The following NRXN2 variants were observed in gnomAD, a reference collection of about 807,000 sequenced individuals.
NRXN2 encodes the protein neurexin 2, also known as neurexin-2-beta.
Under a neutral mutation model 128.8 loss-of-function variants are expected in NRXN2, and 29 were observed. The ratio of observed to expected loss-of-function variants is 0.23; its 90% CI spans 0.17 to 0.31. NRXN2 has a LOEUF of 0.31. NRXN2 is among the 10% of genes least tolerant of loss of function. The pLI, the probability that NRXN2 is intolerant of heterozygous loss-of-function variation, is 1.00. For missense variants in NRXN2, 1,881 were observed against 2,452.6 expected (o/e 0.77, Z 4.92); for synonymous variants, 1,098 against 1,075.2 (o/e 1.02, Z -0.41).
intron 2 of NRXN2, among the ~76,000 whole-genome samples, chr11:64,709,009 T>C (rs1285260121): frequency 6.6e-6 from 1 of 151,994 alleles, no homozygotes; most frequent in African/African-American, 2.4e-5. Context: ...CTGACCAACA[T>C]GGTGAAAACC....
At chr11:64,620,597 T>C (rs1402403914) in intron 21 of NRXN2, among the ~76,000 whole-genome samples, 1 of 151,584 alleles carries the variant, frequency 6.6e-6, no homozygotes, top group African/African-American at 2.4e-5. Flanking sequence ...TTTTCATGGC[T>C]TCCGAAGGTC....
At chr11:64,677,132 A>C in intron 6 of NRXN2, 95 bp from the exon 7 acceptor site, 2 of 860,368 alleles carry the variant, frequency 2.3e-6, no homozygotes, top group Non-Finnish European at 3.7e-6. Flanking sequence ...GAAAAGAAAA[A>C]TAAAATGACC....
intron 5 of NRXN2, among the ~76,000 whole-genome samples, chr11:64,686,184 G>T (rs2053024552): frequency 6.6e-6 from 1 of 152,296 alleles, no homozygotes; most frequent in African/African-American, 2.4e-5. Flanking sequence ...CCAGGAGGCT[G>T]CTAAGTGGCT....
In NRXN2 at chr11:64,685,902, CAGA is replaced by C; in HGVS notation, c.893_895del (p.Phe298del). Reference sequence around the variant, plus strand: ...GATGGGGTTGTGTGACAGGTCGTAGCAGAAGAACTCATTGCCTTTGAAGGTCGC... The same window carrying C: ...GATGGGGTTGTGTGACAGGTCGTAGCAGAACTCATTGCCTTTGAAGGTCGC... On this transcript the variant is annotated inframe_deletion, in exon 6 of 23. Transcript: ENST00000265459. 1 of 1,614,186 alleles carries C rather than the reference CAGA, an allele frequency of 6.2e-7. No individual in the cohort carries two copies. The highest frequency in any genetic ancestry group is 8.5e-7 in the Non-Finnish European group (1 of 1,180,038).
intron 22 of NRXN2, among the ~76,000 whole-genome samples, chr11:64,613,556 G>T (rs1209627681): frequency 1.3e-5 from 2 of 152,188 alleles, no homozygotes; most frequent in Non-Finnish European, 2.9e-5. Flanking sequence ...TCCTTCTCCT[G>T]CAGTGACCTT....
In NRXN2 at chr11:64,713,513, G is replaced by T; in HGVS notation, c.187C>A (p.Arg63Ser). Reference protein sequence around the residue: ...LSFSLRTNATRALLLYLDDGG... With the variant: ...LSFSLRTNATSALLLYLDDGG... ...TCGTCCAGGTAGAGCAGCAGCGCGC[G>T]CGTGGCGTTGGTGCGCAGGCTGAAG... The change falls in exon 2 of 23, where the codon CGC becomes AGC. Residue 63 changes from arginine (R) to serine (S), a missense_variant. Arg to Ser is a moderately radical substitution (Grantham distance 110, BLOSUM62 -1). Around this residue, in one of 7 missense-constraint regions of NRXN2, gnomAD observed 997 missense variants for 1,240.8 expected, o/e 0.80. Transcript: ENST00000265459. 1.3e-6 allele frequency: 2 copies of T among 1,514,290 alleles called. No individual in the cohort carries two copies. The highest frequency in any genetic ancestry group is 5.4e-5 in the East Asian group (2 of 37,370). The allele number at this position is 1,514,290 out of a possible 1,614,324, so 93.8% of individuals were successfully genotyped here.
intron 12 of NRXN2, among the ~76,000 whole-genome samples, chr11:64,652,951 G>A (rs1257414685): frequency 1.4e-5 from 2 of 140,326 alleles, no homozygotes; most frequent in East Asian, 5.1e-4. Flanking sequence ...GCTCCAGCAC[G>A]CACACAGCAT....
intron 22 of NRXN2, among the ~76,000 whole-genome samples, chr11:64,614,885 T>C (rs1186728028): frequency 6.6e-6 from 1 of 152,176 alleles, no homozygotes; most frequent in Non-Finnish European, 1.5e-5. Flanking sequence ...ATCATGAGCT[T>C]TGAGATGAAT....
chr11:64,652,239 T>C, intron 12 of NRXN2, 85 bp from the exon 13 acceptor site: 1 of 1,511,440 alleles, frequency 6.6e-7, no homozygotes, highest in East Asian at 2.5e-5. Context: ...ACAGACAGCC[T>C]CCCCATCCCC....
At chr11:64,689,232 CTT>C (rs1467321287) in intron 5 of NRXN2, among the ~76,000 whole-genome samples, 1 of 150,456 alleles carries the variant, frequency 6.6e-6, no homozygotes, top group Admixed American at 6.6e-5. Flanking sequence ...GTCTCCCTCT[CTT>C]TCTCAATGAT....
At chr11:64,683,537 TATAA>T (rs911369907) in intron 6 of NRXN2, among the ~76,000 whole-genome samples, 1 of 149,868 alleles carries the variant, frequency 6.7e-6, no homozygotes, top group Non-Finnish European at 1.5e-5. Flanking sequence ...GGAGAATCAC[TATAA>T]CCTGGGAGAC....
chr11:64,607,740 G>A lies in NRXN2; in HGVS notation c.4595C>T (p.Pro1532Leu). The A allele has an allele frequency of 6.3e-7, 1 of 1,575,798 alleles. No individual in the cohort carries two copies. Among genetic ancestry groups the A allele is most frequent in the Non-Finnish European group, 8.6e-7 (1 of 1,161,042 alleles). ...TGTCCTGAGGTTGGGCCGGGGAGCG[G>A]GTTTGCGGGGTGACAGGAGGGTGGT... is the stretch of plus-strand genomic sequence containing the variant. ...DRTTLLSPRK[P>L]APRPNLRTDG... The change falls in exon 23 of 23, where the codon CCC (proline) becomes CTC (leucine). Residue 1532 changes from proline to leucine, a missense_variant. Pro to Leu is a moderately conservative substitution (Grantham distance 98). Transcript: ENST00000265459.
intron 7 of NRXN2, among the ~76,000 whole-genome samples, chr11:64,673,450 G>C (rs1336437978): frequency 2.6e-5 from 4 of 152,132 alleles, no homozygotes; most frequent in Non-Finnish European, 4.4e-5. Context: ...GGGATGCCTT[G>C]GGAATCAGAA....
At chr11:64,704,683 T>TACCTGAC (rs1183094688) in intron 2 of NRXN2, among the ~76,000 whole-genome samples, 5 of 136,302 alleles carry the variant, frequency 3.7e-5, no homozygotes, top group African/African-American at 1.3e-4. Flanking sequence ...TGTCAGTTGC[T>TACCTGAC]ACCTGACAGC....
chr11:64,650,621 A>T lies in NRXN2; in HGVS notation c.2936T>A (p.Phe979Tyr). The change falls in exon 15 of 23, where the codon TTT (phenylalanine) becomes TAT (tyrosine). Residue 979 changes from phenylalanine to tyrosine, a missense_variant. This residue lies in a region of NRXN2 where 390 missense variants were observed against 599.6 expected (regional missense o/e 0.65). Coordinates refer to ENST00000265459, the MANE Select transcript of NRXN2 (RefSeq NM_015080.4). Reference protein sequence around the residue: ...ELVKGYIHYVFDLGNGPSLMK... With the variant: ...ELVKGYIHYVYDLGNGPSLMK... ...CAAGGACGGGCCATTCCCCAGGTCA[A>T]ACACGTAGTGGATGTACCTGCCCCA... is the stretch of plus-strand genomic sequence containing the variant. 1.2e-6 allele frequency: 2 copies of T among 1,614,158 alleles called. No individual in the cohort carries two copies. The highest frequency in any genetic ancestry group is 2.2e-5 in the East Asian group (1 of 44,870).
At chr11:64,720,619 AAGT>A (rs539428600) in intron 1 of NRXN2, among the ~76,000 whole-genome samples, 1 of 152,018 alleles carries the variant, frequency 6.6e-6, no homozygotes, top group South Asian at 2.1e-4. Flanking sequence ...GAGAGAGAGA[AAGT>A]AGAAGAGAGG....
At chr11:64,649,358 TC>T (rs968381382) in intron 15 of NRXN2, among the ~76,000 whole-genome samples, 3 of 151,864 alleles carry the variant, frequency 2.0e-5, no homozygotes, top group Non-Finnish European at 4.4e-5. Flanking sequence ...CCAGCTCCCT[TC>T]CCCCAACAAC....
chr11:64,645,577 A>T (rs370136844), intron 17 of NRXN2, among the ~76,000 whole-genome samples: 3 of 152,010 alleles, frequency 2.0e-5, no homozygotes, highest in East Asian at 3.9e-4. Context: ...CTCATTTCAT[A>T]TTCTCTTTTT....
At chr11:64,695,998 G>A (rs1216058458) in intron 3 of NRXN2, among the ~76,000 whole-genome samples, 2 of 149,286 alleles carry the variant, frequency 1.3e-5, no homozygotes, top group East Asian at 2.0e-4. Flanking sequence ...GCTGTTCCCC[G>A]TTCCTGCCCC....
Sources: allele counts gnomAD v4.1 joint callset (sites outside exome capture counted in the v4.1 genomes callset), GRCh38; gene constraint gnomAD v4.1.1; regional missense constraint gnomAD v4.1.1; transcripts MANE v1.5; gene names NCBI Gene and HGNC (gene_info 2026-07-23, HGNC 2026-07-21).